The following KSR2 variants were observed in gnomAD, a reference collection of about 807,000 sequenced individuals.
KSR2 encodes the protein kinase suppressor of ras 2.
In KSR2, 25 loss-of-function variants were observed where a neutral mutation model predicts 107.8. The observed-to-expected ratio is 0.23, with a 90% CI of 0.17 to 0.32. The LOEUF is 0.32. Among genes scored for constraint, KSR2 ranks in the 10% least tolerant of loss-of-function variants. The pLI is 1.00. For missense variants in KSR2, 887 were observed against 1,268.9 expected (o/e 0.70, Z 4.57); for synonymous variants, 480 against 507.0 (o/e 0.95, Z 0.71).
chr12:117,942,381 T>C (rs916499815), intron 1 of KSR2, among the ~76,000 whole-genome samples: 1 of 152,146 alleles, frequency 6.6e-6, no homozygotes. Flanking sequence ...TCACCTCTCC[T>C]TCCCTACAAC....
intron 1 of KSR2, among the ~76,000 whole-genome samples, chr12:117,877,863 G>A (rs192099697): frequency 1.3e-5 from 2 of 152,302 alleles, no homozygotes; most frequent in Non-Finnish European, 2.9e-5. Flanking sequence ...AGGCACTCCT[G>A]GGGACAGGGG....
At chr12:117,782,223 C>T (rs1889912166) in intron 3 of KSR2, among the ~76,000 whole-genome samples, 1 of 152,176 alleles carries the variant, frequency 6.6e-6, no homozygotes, top group African/African-American at 2.4e-5. Flanking sequence ...TAACTCCTCT[C>T]ATACTGCAGC....
rs1417459771 is a variant in KSR2, at chr12:117,463,371, T to G, written c.*3828A>C. 6.6e-6 allele frequency: 1 copy of G among 152,184 alleles called. No individual in the cohort carries two copies. The highest frequency in any genetic ancestry group is 1.5e-5 in the Non-Finnish European group (1 of 68,052). 9.4% of individuals were successfully genotyped at this position (152,184 alleles called of 1,614,324 possible). Reference sequence around the variant, plus strand: ...CTATCAAAGGCTCCTGTTCCTCCCCTGACAGCCATATCCAATCCTCTCTAT... The same window carrying G: ...CTATCAAAGGCTCCTGTTCCTCCCCGGACAGCCATATCCAATCCTCTCTAT... On this transcript the variant is annotated 3_prime_UTR_variant, in exon 20 of 20. Transcript: ENST00000339824.
At chr12:117,540,750 A>G (rs979536612) in intron 9 of KSR2, among the ~76,000 whole-genome samples, 1 of 152,348 alleles carries the variant, frequency 6.6e-6, no homozygotes, top group South Asian at 2.1e-4. Context: ...GCCACCAGAG[A>G]CTGGGAGAGA....
chr12:117,880,033 C>A (rs138103742), intron 1 of KSR2, among the ~76,000 whole-genome samples: 258 of 152,220 alleles, frequency 1.7e-3, no homozygotes, highest in African/African-American at 5.8e-3. Context: ...GTAATCCCAG[C>A]TACTTGGGAG....
At position 117,860,521 on chromosome 12, in the gene KSR2, A is replaced by G; in HGVS notation, c.181-90T>C. On this transcript the variant is annotated intron_variant, in intron 1 of 19. Coordinates refer to ENST00000339824, the MANE Select transcript of KSR2 (RefSeq NM_173598.6). Reference sequence around the variant, plus strand: ...AGAACCCCCTACGAACCCCCACCCTAAACCCAGCCAACTCTATTTTAAAGA... The same window carrying G: ...AGAACCCCCTACGAACCCCCACCCTGAACCCAGCCAACTCTATTTTAAAGA... 3.2e-6 allele frequency: 4 copies of G among 1,259,866 alleles called. No individual in the cohort carries two copies. In the South Asian group the frequency reaches 6.0e-5, roughly 19 times the overall value. The allele number at this position is 1,259,866 out of a possible 1,614,324, so 78.0% of individuals were successfully genotyped here.
Position 117,610,675 on chromosome 12 carries a change from G to C in KSR2, c.1172-28316C>G, listed in dbSNP as rs530104684. ...GATCAATTGAGCCCAGGAGGTCAAG[G>C]CTGCAGTGAGCCATGATTGCACCAC... On this transcript the variant is annotated intron_variant, in intron 5 of 19. Transcript: ENST00000339824. 9.4e-5 allele frequency among the ~76,000 whole-genome samples: 14 copies of C among 149,722 alleles called. No individual in the cohort carries two copies. The South Asian group carries it at 3.0e-3, about 32-fold the overall frequency.
chr12:117,964,620 A>G (rs995268400), intron 1 of KSR2, among the ~76,000 whole-genome samples: 1 of 152,068 alleles, frequency 6.6e-6, no homozygotes, highest in African/African-American at 2.4e-5. Flanking sequence ...TATCATCATC[A>G]CAGCTGTCAT....
At chr12:117,925,617 T>C (rs1433254326) in intron 1 of KSR2, among the ~76,000 whole-genome samples, 1 of 152,196 alleles carries the variant, frequency 6.6e-6, no homozygotes. Context: ...GCAATGGCTA[T>C]TAATATTATT....
intron 7 of KSR2, among the ~76,000 whole-genome samples, chr12:117,566,751 G>T (rs1450032220): frequency 2.0e-5 from 3 of 152,186 alleles, no homozygotes; most frequent in African/African-American, 4.8e-5. Flanking sequence ...GGCACTGGAG[G>T]TATAATAATT....
At chr12:117,954,026 G>T (rs1254122896) in intron 1 of KSR2, among the ~76,000 whole-genome samples, 1 of 151,768 alleles carries the variant, frequency 6.6e-6, no homozygotes, top group African/African-American at 2.4e-5. Flanking sequence ...GAAGTTTAAG[G>T]CTCCAGCAAG....
At chr12:117,768,942 C>G (rs1258959557) in intron 3 of KSR2, among the ~76,000 whole-genome samples, 1 of 152,146 alleles carries the variant, frequency 6.6e-6, no homozygotes, top group East Asian at 1.9e-4. Flanking sequence ...ACATTAAGTC[C>G]AGGCTGATGT....
intron 3 of KSR2, among the ~76,000 whole-genome samples, chr12:117,840,472 T>C (rs1338326153): frequency 6.6e-6 from 1 of 152,122 alleles, no homozygotes; most frequent in African/African-American, 2.4e-5. Flanking sequence ...CTCAGCTTAC[T>C]GCAGCCTCCA....
In KSR2 at chr12:117,667,502, A is replaced by G; in HGVS notation, c.1143T>C (p.Pro381=). The G allele has an allele frequency of 3.7e-6, 6 of 1,612,174 alleles. No homozygotes were observed. The highest frequency in any genetic ancestry group is 5.1e-6 in the Non-Finnish European group (6 of 1,179,442). Residue 381 remains proline, a synonymous_variant, in exon 5 of 20, where the codon CCT becomes CCC. Transcript: ENST00000339824. ...CAGAGAAGTTGGCCTCAGTGTGAAC[A>G]GGAGGGGTGGAAGGCAGGAAAGGTG... ...GHAPFLPSTP[P]VHTEANFSAN...
At chr12:117,523,395 T>C (rs2137231396) in intron 14 of KSR2, among the ~76,000 whole-genome samples, 1 of 152,264 alleles carries the variant, frequency 6.6e-6, no homozygotes, top group Admixed American at 6.5e-5. Context: ...AAGAATGCCA[T>C]TGCAGAGGCC....
intron 9 of KSR2, among the ~76,000 whole-genome samples, chr12:117,554,076 G>A (rs1877495152): frequency 6.6e-6 from 1 of 152,138 alleles, no homozygotes; most frequent in Non-Finnish European, 1.5e-5. Flanking sequence ...AATGGACTTA[G>A]ACATCTACCT....
At position 117,527,063 on chromosome 12, in the gene KSR2, A is replaced by C; in HGVS notation, c.1851+8T>G. ...GAAAATGTCGCTTCACTGCTCTCTGATTCTCACCTCCGACGTTGGCTCCAC... is the reference window on the plus strand; with the variant it reads ...GAAAATGTCGCTTCACTGCTCTCTGCTTCTCACCTCCGACGTTGGCTCCAC... On this transcript the variant is annotated splice_region_variant and intron_variant, in intron 13 of 19. Coordinates refer to ENST00000339824, the MANE Select transcript of KSR2 (RefSeq NM_173598.6). 2 of 1,613,164 alleles carry C rather than the reference A, an allele frequency of 1.2e-6. No homozygotes were observed. The highest frequency in any genetic ancestry group is 1.7e-6 in the Non-Finnish European group (2 of 1,179,284).
intron 9 of KSR2, among the ~76,000 whole-genome samples, chr12:117,553,371 G>A (rs975966539): frequency 6.6e-6 from 1 of 152,220 alleles, no homozygotes; most frequent in African/African-American, 2.4e-5. Context: ...AGCAGAGTCT[G>A]ATTTGTTTTC....
intron 5 of KSR2, among the ~76,000 whole-genome samples, chr12:117,646,046 T>C (rs760599098): frequency 4.6e-5 from 7 of 152,168 alleles, no homozygotes; most frequent in Non-Finnish European, 8.8e-5. Context: ...AAGCCTCCTG[T>C]ATACTTTAAA....
Sources: allele counts gnomAD v4.1 joint callset (sites outside exome capture counted in the v4.1 genomes callset), GRCh38; gene constraint gnomAD v4.1.1; transcripts MANE v1.5; gene names NCBI Gene and HGNC (gene_info 2026-07-23, HGNC 2026-07-21).